The following GRK4 variants were observed in gnomAD, a reference collection of about 807,000 sequenced individuals.
GRK4 encodes G protein-coupled receptor kinase 4, also known as G protein-coupled receptor kinase 2-like.
GRK4 carries 73 observed loss-of-function variants against 77.9 expected under a neutral mutation model. The ratio of observed to expected loss-of-function variants is 0.94; its 90% confidence interval spans 0.78 to 1.14. The LOEUF is 1.14. GRK4 is among the 50% of genes most tolerant of loss of function. The pLI is 0.00. For missense variants in GRK4, 729 were observed against 700.2 expected, an observed-to-expected ratio of 1.04 and a Z score of -0.46; for synonymous variants, 257 against 254.4, an observed-to-expected ratio of 1.01 and a Z score of -0.10.
At chr4:3,030,643 G>C (rs1000366470) in intron 12 of GRK4, among the ~76,000 whole-genome samples, 1 of 152,010 alleles carries the variant, frequency 6.6e-6, no homozygotes, top group Non-Finnish European at 1.5e-5. Context: ...GCAGGCTCTA[G>C]GGGGTGAGAG....
In GRK4 at chr4:3,029,333, T is replaced by G; in HGVS notation, c.1193T>G (p.Val398Gly). The G allele has an allele frequency of 6.2e-7, 1 of 1,613,828 alleles. No homozygotes were observed. The highest frequency in any genetic ancestry group is 8.5e-7 in the Non-Finnish European group (1 of 1,179,940). ...KYKEKVKWEE[V>G]DQRIKNDTEE... ...AAAGAGAAAGTCAAATGGGAGGAGG[T>G]CGATCAAAGAATCAAGAATGATACC... The change falls in exon 12 of 16, where the codon GTC becomes GGC. Residue 398 changes from valine to glycine, a missense_variant. By Grantham distance (109) the Val-to-Gly change is moderately radical (BLOSUM62 -3). Coordinates refer to ENST00000398052, the MANE Select transcript of GRK4 (RefSeq NM_182982.3).
chr4:2,986,435 C>T (rs1319362950), intron 2 of GRK4, among the ~76,000 whole-genome samples: 1 of 145,778 alleles, frequency 6.9e-6, no homozygotes, highest in Non-Finnish European at 1.5e-5. Context: ...CGGCTCACTG[C>T]AAGCTCCGCC....
intron 6 of GRK4, among the ~76,000 whole-genome samples, chr4:3,008,086 C>T (rs765790062): frequency 2.0e-5 from 3 of 152,184 alleles, no homozygotes; most frequent in African/African-American, 4.8e-5. Flanking sequence ...TACTGATTGA[C>T]GTAGACTTTT....
intron 3 of GRK4, among the ~76,000 whole-genome samples, chr4:2,991,080 G>C (rs1726028068): frequency 6.6e-6 from 1 of 152,168 alleles, no homozygotes. Flanking sequence ...CCCATAGGAG[G>C]AGATATTAAG....
rs372796071 is a variant in GRK4 at position 3,022,461 on chromosome 4, C to A, written c.970+10C>A. 56 of 1,613,134 alleles carry A rather than the reference C, an allele frequency of 3.5e-5. No individual in the cohort carries two copies. In the African/African-American group the frequency reaches 7.1e-4, roughly 20 times the overall value. ...CTCCTTGATGATCGTGGTAAGTGGG[C>A]AAGCCTTTCACATCTAATGGGTAGA... is the stretch of plus-strand genomic sequence containing the variant. On this transcript the variant is annotated intron_variant, in intron 10 of 15. Transcript: ENST00000398052.
rs1158072787 is a variant in GRK4 at position 3,038,375 on chromosome 4, G to A, written c.1546-1G>A. 6.2e-7 allele frequency: 1 copy of A among 1,614,072 alleles called. No individual in the cohort carries two copies. Among genetic ancestry groups the A allele is most frequent in the Non-Finnish European group, 8.5e-7 (1 of 1,180,030 alleles). On this transcript the variant is annotated splice_acceptor_variant, in intron 14 of 15. Coordinates refer to ENST00000398052, the MANE Select transcript of GRK4 (RefSeq NM_182982.3). LOFTEE classifies it high-confidence loss of function. ...TCTGTCCTGTTATTCTGTGCATGCA[G>A]ATGATCGAATCTGGGTGTTTCAAAG...
chr4:3,007,886 C>A, intron 6 of GRK4, 58 bp downstream of exon 6: 11 of 1,154,692 alleles, frequency 9.5e-6, no homozygotes, highest in Non-Finnish European at 1.4e-5. Context: ...GCCTGTAGTC[C>A]CAGCTACTCA....
At chr4:2,991,860 T>C (rs1168161102) in intron 3 of GRK4, among the ~76,000 whole-genome samples, 1 of 152,152 alleles carries the variant, frequency 6.6e-6, no homozygotes, top group East Asian at 1.9e-4. Context: ...CAGAGTATTA[T>C]GGGAAGTATT....
chr4:3,030,642 A>G (rs2857842), intron 12 of GRK4, among the ~76,000 whole-genome samples: 98,732 of 151,090 alleles, frequency 0.65, 32,809 homozygotes, highest in African/African-American at 0.78. Flanking sequence ...GGCAGGCTCT[A>G]GGGGGTGAGA....
chr4:3,019,965 T>C, intron 9 of GRK4, 134 bp downstream of exon 9: 1 of 821,910 alleles, frequency 1.2e-6, no homozygotes, highest in Non-Finnish European at 1.9e-6. Flanking sequence ...TGGTGATTCT[T>C]AGGGTTGGTC....
At position 3,021,094 on chromosome 4, in the gene GRK4, T is replaced by C. The variant is rs1189916819; in HGVS notation, c.932+1263T>C. 2.0e-5 allele frequency among the ~76,000 whole-genome samples: 3 copies of C among 152,148 alleles called. No homozygotes were observed. In the East Asian group the frequency reaches 5.8e-4, roughly 29 times the overall value. On this transcript the variant is annotated intron_variant, in intron 9 of 15. Coordinates refer to ENST00000398052, the MANE Select transcript of GRK4 (RefSeq NM_182982.3). Reference sequence around the variant, plus strand: ...CCTGATGGTGTCTCCCTTGTCACCTTGTAAGCCTGGCCCTCGTGGCCTTTG... The same window carrying C: ...CCTGATGGTGTCTCCCTTGTCACCTCGTAAGCCTGGCCCTCGTGGCCTTTG...
intron 10 of GRK4, among the ~76,000 whole-genome samples, chr4:3,022,912 A>T (rs1443220331): frequency 2.0e-5 from 3 of 152,160 alleles, no homozygotes; most frequent in African/African-American, 7.2e-5. Context: ...CTGTTCTCAA[A>T]CTACTGCCCT....
At chr4:2,975,043 G>A (rs1156538435) in intron 1 of GRK4, among the ~76,000 whole-genome samples, 2 of 152,150 alleles carry the variant, frequency 1.3e-5, no homozygotes, top group Admixed American at 6.6e-5. Context: ...GGTGGCTCTC[G>A]CCTGTAATCC....
Position 3,038,449 on chromosome 4 carries a change from A to C in GRK4, c.1619A>C (p.Lys540Thr), listed in dbSNP as rs751331808. 3.1e-6 allele frequency: 5 copies of C among 1,614,210 alleles called. No individual in the cohort carries two copies. In the Admixed American group the frequency reaches 8.3e-5, roughly 27 times the overall value. The change falls in exon 15 of 16, where the codon AAG (lysine) becomes ACG (threonine). Residue 540 changes from lysine (K) to threonine (T), a missense_variant. By Grantham distance (78) the Lys-to-Thr change is moderately conservative. Coordinates refer to ENST00000398052, the MANE Select transcript of GRK4 (RefSeq NM_182982.3). ...SEEALPLDLD[K>T]NIHTPVSRPN... ...GAAGCTTTGCCATTAGATCTAGACAAGAACATACATACCCCGGTTTCCAGA... is the reference window on the plus strand; with the variant it reads ...GAAGCTTTGCCATTAGATCTAGACACGAACATACATACCCCGGTTTCCAGA...
chr4:3,014,130 C>G (rs763858750), intron 8 of GRK4, among the ~76,000 whole-genome samples: 4 of 152,042 alleles, frequency 2.6e-5, no homozygotes, highest in South Asian at 4.2e-4. Flanking sequence ...TGCAGAGGCT[C>G]CAGGTCCATT....
intron 13 of GRK4, among the ~76,000 whole-genome samples, chr4:3,035,764 G>T (rs1332784668): frequency 6.6e-6 from 1 of 151,860 alleles, no homozygotes; most frequent in African/African-American, 2.4e-5. Context: ...TATTACAACA[G>T]ATACAGAATC....
intron 1 of GRK4, among the ~76,000 whole-genome samples, chr4:2,975,327 T>C (rs1720790554): frequency 6.6e-6 from 1 of 152,090 alleles, no homozygotes; most frequent in African/African-American, 2.4e-5. Flanking sequence ...AGACCTCTGC[T>C]CTATTTCCTC....
At chr4:3,040,142 A>T (rs1741989590) in intron 15 of GRK4, among the ~76,000 whole-genome samples, 1 of 152,144 alleles carries the variant, frequency 6.6e-6, no homozygotes. Context: ...TGCCTGCCTT[A>T]AAATTAGCAG....
chr4:2,992,506 C>G (rs189701606), intron 4 of GRK4, among the ~76,000 whole-genome samples: 148 of 151,882 alleles, frequency 9.7e-4, no homozygotes, highest in Admixed American at 3.2e-3. Flanking sequence ...ATAGTGAGAC[C>G]ATCTCTACAA....
Sources: allele counts gnomAD v4.1 joint callset (sites outside exome capture counted in the v4.1 genomes callset), GRCh38; gene constraint gnomAD v4.1.1; transcripts MANE v1.5; gene names NCBI Gene and HGNC (gene_info 2026-07-23, HGNC 2026-07-21).